Variants in GPR39 observed in about 807,000 individuals in gnomAD.
GPR39 encodes zinc sensing receptor.
GPR39 carries 23 observed loss-of-function variants against 18.4 expected under a neutral mutation model. The observed-to-expected ratio is 1.25, with a 90% CI of 0.90 to 1.77. The LOEUF is 1.77. GPR39 is among the 40% of genes most tolerant of loss of function. The pLI is 0.00. For synonymous variants in GPR39, 280 were observed against 257.9 expected (o/e 1.09, Z -0.82); for missense variants, 647 against 602.4 (o/e 1.07, Z -0.78).
chr2:132,532,526 G>A (rs1179757773), intron 1 of GPR39, among the ~76,000 whole-genome samples: 1 of 152,082 alleles, frequency 6.6e-6, no homozygotes, highest in East Asian at 1.9e-4. Flanking sequence ...ACCAAAGCCT[G>A]GCAGAGACAC....
chr2:132,626,707 C>G (rs1681550599), intron 1 of GPR39, among the ~76,000 whole-genome samples: 1 of 152,140 alleles, frequency 6.6e-6, no homozygotes, highest in Non-Finnish European at 1.5e-5. Flanking sequence ...TTGGAGGCCT[C>G]CAGGTTATCC....
At chr2:132,476,575 G>T (rs4581955) in intron 1 of GPR39, among the ~76,000 whole-genome samples, 117,371 of 144,640 alleles carry the variant, frequency 0.81, 47,632 homozygotes, top group East Asian at 0.88. Context: ...GGTGGAGGTT[G>T]CAGTGAGCCG....
At chr2:132,499,816 GTATT>G (rs971062847) in intron 1 of GPR39, among the ~76,000 whole-genome samples, 3 of 151,554 alleles carry the variant, frequency 2.0e-5, no homozygotes, top group Non-Finnish European at 4.4e-5. Context: ...GTATTGTATT[GTATT>G]TATTTATTTA....
chr2:132,570,924 A>G lies in GPR39; in HGVS notation c.857-74177A>G, dbSNP rs548560010. Among the ~76,000 whole-genome samples the G allele has an allele frequency of 1.4e-4, 21 of 152,242 alleles. No individual in the cohort carries two copies. The Middle Eastern group carries it at 0.017, about 123-fold the overall frequency. On this transcript the variant is annotated intron_variant, in intron 1 of 1. Coordinates refer to ENST00000329321, the MANE Select transcript of GPR39 (RefSeq NM_001508.3). ...CAATAGCCTTGAAAGGGTGGGGCCT[A>G]TTGCTTTCCCAGGGTCCAATAATAA... is the stretch of plus-strand genomic sequence containing the variant.
chr2:132,544,320 T>G (rs1054556043), intron 1 of GPR39, among the ~76,000 whole-genome samples: 1 of 152,188 alleles, frequency 6.6e-6, no homozygotes, highest in African/African-American at 2.4e-5. Context: ...TTTATCTCCA[T>G]GCTTAGGAGG....
intron 1 of GPR39, among the ~76,000 whole-genome samples, chr2:132,516,897 G>C (rs1360492923): frequency 6.6e-6 from 1 of 152,208 alleles, no homozygotes; most frequent in Non-Finnish European, 1.5e-5. Flanking sequence ...AAAGGAAAGA[G>C]AAAGGAATGG....
intron 1 of GPR39, among the ~76,000 whole-genome samples, chr2:132,553,305 A>G (rs1318459699): frequency 3.0e-5 from 4 of 133,102 alleles, no homozygotes; most frequent in African/African-American, 1.1e-4. Context: ...ATACACACAT[A>G]TGTATATATG....
intron 1 of GPR39, among the ~76,000 whole-genome samples, chr2:132,590,652 G>T (rs558722789): frequency 6.6e-6 from 1 of 152,168 alleles, no homozygotes; most frequent in Non-Finnish European, 1.5e-5. Context: ...TGCTTTAACA[G>T]TGGCACTCAA....
At chr2:132,481,805 C>T (rs1681241261) in intron 1 of GPR39, among the ~76,000 whole-genome samples, 1 of 152,176 alleles carries the variant, frequency 6.6e-6, no homozygotes, top group African/African-American at 2.4e-5. Flanking sequence ...TGCCACTGCT[C>T]AACCTTGGAG....
chr2:132,519,595 G>A (rs146783437), intron 1 of GPR39, among the ~76,000 whole-genome samples: 425 of 152,248 alleles, frequency 2.8e-3, no homozygotes, highest in African/African-American at 8.7e-3. Flanking sequence ...TCTGGAGCTC[G>A]GGGTTCTCAT....
chr2:132,511,072 A>G (rs1465856905), intron 1 of GPR39, among the ~76,000 whole-genome samples: 3 of 152,246 alleles, frequency 2.0e-5, no homozygotes, highest in Non-Finnish European at 2.9e-5. Flanking sequence ...TTTAAAAGGA[A>G]AAACACACAA....
intron 1 of GPR39, among the ~76,000 whole-genome samples, chr2:132,621,596 C>G (rs554517076): frequency 3.9e-5 from 6 of 152,300 alleles, no homozygotes; most frequent in Admixed American, 6.5e-5. Context: ...CCCATGTAGT[C>G]TAACACTTGT....
At chr2:132,425,211 C>T (rs994201287) in intron 1 of GPR39, among the ~76,000 whole-genome samples, 14 of 152,190 alleles carry the variant, frequency 9.2e-5, no homozygotes, top group Non-Finnish European at 2.1e-4. Context: ...CCTTCCTGGA[C>T]TACGACAGCC....
intron 1 of GPR39, among the ~76,000 whole-genome samples, chr2:132,530,607 G>T (rs1338857651): frequency 1.3e-5 from 2 of 152,182 alleles, no homozygotes; most frequent in East Asian, 1.9e-4. Flanking sequence ...CAGAGAGAAA[G>T]GTCGGGTTAC....
intron 1 of GPR39, among the ~76,000 whole-genome samples, chr2:132,514,880 C>T (rs1679304436): frequency 6.6e-6 from 1 of 152,138 alleles, no homozygotes; most frequent in African/African-American, 2.4e-5. Flanking sequence ...CTTGTTTTAA[C>T]AATCTTAATA....
At chr2:132,423,462 A>G (rs1013322118) in intron 1 of GPR39, among the ~76,000 whole-genome samples, 1 of 152,188 alleles carries the variant, frequency 6.6e-6, no homozygotes, top group Non-Finnish European at 1.5e-5. Context: ...CAGGGGACAC[A>G]GTTCAGTTTA....
At chr2:132,489,635 G>A (rs1438565331) in intron 1 of GPR39, among the ~76,000 whole-genome samples, 1 of 151,896 alleles carries the variant, frequency 6.6e-6, no homozygotes, top group Admixed American at 6.6e-5. Context: ...ACCAGAGTAG[G>A]GGGCAAGACA....
intron 1 of GPR39, among the ~76,000 whole-genome samples, chr2:132,469,263 A>T (rs960842304): frequency 4.6e-5 from 7 of 152,226 alleles, no homozygotes; most frequent in African/African-American, 1.7e-4. Flanking sequence ...CCCTGCTGAC[A>T]GATCCTATTC....
chr2:132,464,156 G>A (rs1680881342), intron 1 of GPR39, among the ~76,000 whole-genome samples: 1 of 152,164 alleles, frequency 6.6e-6, no homozygotes, highest in South Asian at 2.1e-4. Context: ...CTGTGAAAGG[G>A]AGCTGAAGAA....
Sources: allele counts gnomAD v4.1 joint callset (sites outside exome capture counted in the v4.1 genomes callset), GRCh38; gene constraint gnomAD v4.1.1; transcripts MANE v1.5; gene names NCBI Gene and HGNC (gene_info 2026-07-23, HGNC 2026-07-21).